KIAA0408: variants seen among roughly 807,000 people sequenced by gnomAD.
KIAA0408 encodes KIAA0408.
Under a neutral mutation model 60.9 loss-of-function variants are expected in KIAA0408, and 51 were observed. The ratio of observed to expected loss-of-function variants is 0.84; its 90% CI spans 0.67 to 1.06. The LOEUF (loss-of-function observed/expected upper bound fraction) is 1.06. Among genes scored for constraint, KIAA0408 ranks in the 50% least tolerant of loss-of-function variants. The probability of loss-of-function intolerance (pLI) is 0.00; values close to 1 mark genes in which losing one functional copy is unlikely to be tolerated. For synonymous variants in KIAA0408, 304 were observed against 282.4 expected (o/e 1.08, Z -0.77); for missense variants, 787 against 833.9 (o/e 0.94, Z 0.69).
rs192736673 is a variant in KIAA0408 at position 127,450,183 on chromosome 6, C to A, written c.305G>T (p.Arg102Ile). Reference protein sequence around the residue: ...FIRTNHKDGLRKENKREQSLV... With the variant: ...FIRTNHKDGLIKENKREQSLV... The stretch of plus-strand genomic sequence containing the variant: ...GCTCTGCTCTCTTTTATTTTCTTTT[C>A]TCAGACCATCTTTGTGATTCGTCCT... The change falls in exon 3 of 6, where the codon AGA (arginine) becomes ATA (isoleucine). Residue 102 changes from arginine (R) to isoleucine (I), a missense_variant. This residue lies in a region of KIAA0408 where 640 missense variants were observed against 681.3 expected (regional missense o/e 0.94). Transcript: ENST00000483725. The A allele has an allele frequency of 2.2e-5, 35 of 1,613,984 alleles. No homozygotes were observed. In the East Asian group the frequency reaches 7.4e-4, roughly 34 times the overall value.
chr6:127,438,447 ATGAG>A lies in KIAA0408; in HGVS notation c.*5658_*5661del, dbSNP rs1773054365. ...GTTTAATGATTCTTATAAAATTGCC[ATGAG>A]TAAGTAATTGAAAAATAAAGCTTCA... On this transcript the variant is annotated 3_prime_UTR_variant, in exon 6 of 6. Transcript: ENST00000483725. 6.6e-6 allele frequency: 1 copy of A among 152,154 alleles called. No homozygotes were observed. The highest frequency in any genetic ancestry group is 1.9e-4 in the East Asian group (1 of 5,196). 9.4% of individuals were successfully genotyped at this position (152,154 alleles called of 1,614,324 possible).
At position 127,450,096 on chromosome 6, in the gene KIAA0408, C is replaced by A; in HGVS notation, c.392G>T (p.Gly131Val). ...EQKATKKSKV[G>V]FLDPLATDNQ... ...GTCTGTAGCCAAAGGATCCAAAAAC[C>A]CTACTTTTGATTTTTTTGTTGCTTT... Residue 131 changes from glycine to valine, a missense_variant, in exon 3 of 6, where the codon GGG becomes GTG. By Grantham distance (109) the Gly-to-Val change is moderately radical. Coordinates refer to ENST00000483725, the MANE Select transcript of KIAA0408 (RefSeq NM_014702.5). The A allele has an allele frequency of 6.2e-7, 1 of 1,614,114 alleles. No individual in the cohort carries two copies. Among genetic ancestry groups the A allele is most frequent in the Non-Finnish European group, 8.5e-7 (1 of 1,179,988 alleles).
chr6:127,456,201 A>G (rs925671399), intron 1 of KIAA0408, among the ~76,000 whole-genome samples: 1 of 152,212 alleles, frequency 6.6e-6, no homozygotes, highest in African/African-American at 2.4e-5. Context: ...AAGGATGCAG[A>G]CTAATTTCAA....
rs1200868556 is a variant in KIAA0408, at chr6:127,447,388, G to T, written c.931C>A (p.Pro311Thr). 4 of 1,612,516 alleles carry T rather than the reference G, an allele frequency of 2.5e-6. No homozygotes were observed. The highest frequency in any genetic ancestry group is 2.7e-5 in the African/African-American group (2 of 74,876). Reference sequence around the variant, plus strand: ...TCTTGTTGTCTCAAAGGGAAGTGAGGGTTGTAATTCCTTTTACTTCGACCC... The same window carrying T: ...TCTTGTTGTCTCAAAGGGAAGTGAGTGTTGTAATTCCTTTTACTTCGACCC... ...HEGRSKRNYN[P>T]HFPLRQQEMS... Residue 311 changes from proline to threonine, a missense_variant, in exon 5 of 6, where the codon CCT becomes ACT. By Grantham distance (38) the Pro-to-Thr change is conservative. Around this residue, in one of 3 missense-constraint regions of KIAA0408, gnomAD observed 640 missense variants for 681.3 expected, o/e 0.94. Transcript: ENST00000483725.
rs1337985178 is a variant in KIAA0408 at position 127,443,976 on chromosome 6, C to T, written c.*133G>A. The T allele has an allele frequency of 6.6e-6, 5 of 755,634 alleles. No individual in the cohort carries two copies. The highest frequency in any genetic ancestry group is 1.0e-5 in the Non-Finnish European group (5 of 478,306). The allele number at this position is 755,634 out of a possible 1,614,324, so 46.8% of individuals were successfully genotyped here. ...AGATAATTATTCCTTAGATTAAAAA[C>T]ACTGAAGACTGATGGAAAGTTAAGA... On this transcript the variant is annotated 3_prime_UTR_variant, in exon 6 of 6. Transcript: ENST00000483725.
At position 127,456,790 on chromosome 6, in the gene KIAA0408, G is replaced by A. The variant is rs528343842; in HGVS notation, c.-121+2385C>T. Among the ~76,000 whole-genome samples, 99 of 152,046 alleles carry A rather than the reference G, an allele frequency of 6.5e-4. 1 individual carries two copies. In the East Asian group the frequency reaches 0.017, roughly 26 times the overall value. On this transcript the variant is annotated intron_variant, in intron 1 of 5. Coordinates refer to ENST00000483725, the MANE Select transcript of KIAA0408 (RefSeq NM_014702.5). ...ACCTCTAAATATAAAGTGGTGGGGG[G>A]GGGGCATAGAATTGTTTTGGAGATT...
chr6:127,445,161 AT>A (rs1773169421), intron 5 of KIAA0408, among the ~76,000 whole-genome samples: 1 of 152,074 alleles, frequency 6.6e-6, no homozygotes, highest in Non-Finnish European at 1.5e-5. Flanking sequence ...TTGGAGACTT[AT>A]TTTCTAGATT....
At chr6:127,446,259 G>A in intron 5 of KIAA0408, 149 bp downstream of exon 5, 1 of 1,381,716 alleles carries the variant, frequency 7.2e-7, no homozygotes, top group Non-Finnish European at 9.7e-7. Context: ...TTCATGTTGA[G>A]TTATATTTAT....
intron 2 of KIAA0408, 80 bp from the exon 3 acceptor site, chr6:127,450,432 C>T: frequency 2.0e-6 from 3 of 1,466,026 alleles, no homozygotes; most frequent in Non-Finnish European, 2.7e-6. Context: ...AAGCAAACCG[C>T]TTTGAGTTCT....
chr6:127,451,106 A>G, intron 2 of KIAA0408: 1 of 342,258 alleles, frequency 2.9e-6, no homozygotes. Context: ...TTCTGAATAG[A>G]GGAAAGAAAT....
Position 127,441,931 on chromosome 6 carries a change from G to GA in KIAA0408, c.*2177dup, listed in dbSNP as rs1221052688. 2.0e-5 allele frequency: 3 copies of GA among 151,880 alleles called. No individual in the cohort carries two copies. Among genetic ancestry groups the GA allele is most frequent in the Non-Finnish European group, 4.4e-5 (3 of 67,982 alleles). The allele number at this position is 151,880 out of a possible 1,614,324, so 9.4% of individuals were successfully genotyped here. On this transcript the variant is annotated 3_prime_UTR_variant, in exon 6 of 6. Transcript: ENST00000483725. ...CCACTGGTTCATTCAACTGTTAATA[G>GA]AAAAAAGTGGCTTAAAATTGTGAAG... is the stretch of plus-strand genomic sequence containing the variant.
At chr6:127,450,435 T>A in intron 2 of KIAA0408, 83 bp from the exon 3 acceptor site, 2 of 1,462,794 alleles carry the variant, frequency 1.4e-6, no homozygotes, top group Non-Finnish European at 1.8e-6. Flanking sequence ...CAAACCGCTT[T>A]GAGTTCTCTT....
rs1295237911 is a variant in KIAA0408 at position 127,442,007 on chromosome 6, A to G, written c.*2102T>C. The G allele has an allele frequency of 6.6e-6, 1 of 152,242 alleles. No homozygotes were observed. Among genetic ancestry groups the G allele is most frequent in the Non-Finnish European group, 1.5e-5 (1 of 68,044 alleles). 9.4% of individuals were successfully genotyped at this position (152,242 alleles called of 1,614,324 possible). ...ACAGATAACAAAGGCAAGTCCTAGGAAGAAAAGTGACCACCCAAGGGCATC... is the reference window on the plus strand; with the variant it reads ...ACAGATAACAAAGGCAAGTCCTAGGGAGAAAAGTGACCACCCAAGGGCATC... On this transcript the variant is annotated 3_prime_UTR_variant, in exon 6 of 6. Coordinates refer to ENST00000483725, the MANE Select transcript of KIAA0408 (RefSeq NM_014702.5).
Position 127,449,998 on chromosome 6 carries a change from G to C in KIAA0408, c.490C>G (p.Leu164Val). The change falls in exon 3 of 6, where the codon CTC (leucine) becomes GTC (valine). Residue 164 changes from leucine to valine, a missense_variant. Leu to Val is a conservative substitution (Grantham distance 32, BLOSUM62 1). Coordinates refer to ENST00000483725, the MANE Select transcript of KIAA0408 (RefSeq NM_014702.5). ...AATCACATCTTACTTACTGTACTGA[G>C]GGCGCCAGAACAGCTCTTGCTGTCT... ...EEDSKSCSGA[L>V]STALEELAKV... The C allele has an allele frequency of 3.1e-6, 5 of 1,613,752 alleles. No individual in the cohort carries two copies. The highest frequency in any genetic ancestry group is 4.2e-6 in the Non-Finnish European group (5 of 1,179,876).
At chr6:127,451,403 C>T in intron 2 of KIAA0408, 1 of 433,068 alleles carries the variant, frequency 2.3e-6, no homozygotes, top group Non-Finnish European at 4.6e-6. Context: ...CATCAAACTG[C>T]AGCCATGAAT....
rs764067076 is a variant in KIAA0408, at chr6:127,450,123, TG to T, written c.364del (p.Gln122LysfsTer9). 4.3e-6 allele frequency: 7 copies of T among 1,614,140 alleles called. No homozygotes were observed. The highest frequency in any genetic ancestry group is 3.4e-6 in the Non-Finnish European group (4 of 1,179,988). ...TACTTTTGATTTTTTTGTTGCTTTTTGTTCCTTACACATTTGATTTCCTCCA... is the reference window on the plus strand; with the variant it reads ...TACTTTTGATTTTTTTGTTGCTTTTTTTCCTTACACATTTGATTTCCTCCA... Reference protein sequence around the residue: ...VSGGNQMCKEQKATKKSKVGF... With the variant: ...VSGGNQMCKEXKATKKSKVGF... On this transcript the variant is annotated frameshift_variant, in exon 3 of 6. Coordinates refer to ENST00000483725, the MANE Select transcript of KIAA0408 (RefSeq NM_014702.5). LOFTEE classifies it high-confidence loss of function.
chr6:127,449,809 T>G lies in KIAA0408; in HGVS notation c.578+13A>C, dbSNP rs372182832. On this transcript the variant is annotated intron_variant, in intron 4 of 5. Coordinates refer to ENST00000483725, the MANE Select transcript of KIAA0408 (RefSeq NM_014702.5). The stretch of plus-strand genomic sequence containing the variant: ...TATTTACCCATCTAAAATAATCAGA[T>G]GTACCAGCCTACCTTCTATGGTTAG... 56 of 1,613,542 alleles carry G rather than the reference T, an allele frequency of 3.5e-5. No homozygotes were observed. The highest frequency in any genetic ancestry group is 4.1e-5 in the Non-Finnish European group (48 of 1,179,868).
chr6:127,445,452 C>T (rs1432383750), intron 5 of KIAA0408, among the ~76,000 whole-genome samples: 1 of 152,134 alleles, frequency 6.6e-6, no homozygotes, highest in East Asian at 1.9e-4. Context: ...CAAGATTTCT[C>T]ATAAGATGGA....
chr6:127,452,050 G>C (rs551818877), intron 2 of KIAA0408, among the ~76,000 whole-genome samples: 11 of 152,238 alleles, frequency 7.2e-5, no homozygotes, highest in African/African-American at 2.4e-4. Flanking sequence ...TGAACATCTT[G>C]GTTTTGCCAT....
Sources: allele counts gnomAD v4.1 joint callset (sites outside exome capture counted in the v4.1 genomes callset), GRCh38; gene constraint gnomAD v4.1.1; regional missense constraint gnomAD v4.1.1; transcripts MANE v1.5; gene names NCBI Gene and HGNC (gene_info 2026-07-23, HGNC 2026-07-21).